The following ADGRV1 variants were observed in gnomAD, a reference collection of about 807,000 sequenced individuals.
ADGRV1 encodes the protein adhesion G protein-coupled receptor V1.
In ADGRV1, 359 loss-of-function variants were observed where a neutral mutation model predicts 596.2. The ratio of observed to expected loss-of-function variants is 0.60; its 90% CI spans 0.55 to 0.66. ADGRV1 has a LOEUF of 0.66. Ranked by LOEUF, ADGRV1 falls within the 30% of genes least tolerant of loss-of-function variation. ADGRV1 has a pLI of 0.00. For synonymous variants in ADGRV1, 2,681 were observed against 2,679.2 expected, an observed-to-expected ratio of 1.00 and a Z score of -0.02; for missense variants, 7,274 against 7,575.6, an observed-to-expected ratio of 0.96 and a Z score of 1.48.
chr5:90,733,052 C>T (rs950949643), intron 50 of ADGRV1, among the ~76,000 whole-genome samples: 2 of 152,180 alleles, frequency 1.3e-5, no homozygotes, highest in African/African-American at 2.4e-5. Context: ...AAGTAACTTG[C>T]AACTGCCTGG....
chr5:90,841,427 C>G (rs2443085), intron 78 of ADGRV1, among the ~76,000 whole-genome samples: 62,840 of 151,962 alleles, frequency 0.41, 15,270 homozygotes, highest in Admixed American at 0.6. Context: ...TCTGCTTGTT[C>G]TTTAGTCCTC....
At chr5:90,743,751 A>C (rs759502648) in intron 50 of ADGRV1, among the ~76,000 whole-genome samples, 5 of 151,602 alleles carry the variant, frequency 3.3e-5, no homozygotes, top group Non-Finnish European at 7.4e-5. Flanking sequence ...GATTACAGGC[A>C]TGAGCCACCG....
chr5:90,947,387 TTGTC>T (rs1776669654), intron 83 of ADGRV1, among the ~76,000 whole-genome samples: 1 of 152,158 alleles, frequency 6.6e-6, no homozygotes, highest in Non-Finnish European at 1.5e-5. Flanking sequence ...TATTACGTCT[TTGTC>T]AGACAGATAG....
chr5:90,768,048 G>A (rs1757329718), intron 59 of ADGRV1, among the ~76,000 whole-genome samples: 2 of 152,184 alleles, frequency 1.3e-5, no homozygotes, highest in African/African-American at 4.8e-5. Flanking sequence ...TCAGTAATAA[G>A]AAGCAATAAT....
intron 85 of ADGRV1, among the ~76,000 whole-genome samples, chr5:91,014,360 G>T (rs866237903): frequency 3.9e-5 from 6 of 151,954 alleles, no homozygotes; most frequent in Non-Finnish European, 7.4e-5. Flanking sequence ...TCTCTGCCAG[G>T]TTTTGGTATC....
chr5:90,669,199 A>G (rs1166312081), intron 21 of ADGRV1, among the ~76,000 whole-genome samples: 4 of 152,194 alleles, frequency 2.6e-5, no homozygotes, highest in Non-Finnish European at 4.4e-5. Flanking sequence ...TTGCTCATGT[A>G]CCATTCGGCT....
At chr5:90,833,907 ATTAAAATAATTGCCAT>A (rs1411261114) in intron 77 of ADGRV1, among the ~76,000 whole-genome samples, 22 of 152,120 alleles carry the variant, frequency 1.4e-4, no homozygotes, top group African/African-American at 5.1e-4. Flanking sequence ...TCTGATTGTC[ATTAAAATAATTGCCAT>A]TTAAAATAAT....
intron 27 of ADGRV1, among the ~76,000 whole-genome samples, chr5:90,682,615 T>C (rs1453221767): frequency 2.0e-5 from 3 of 152,174 alleles, no homozygotes; most frequent in African/African-American, 7.2e-5. Flanking sequence ...TTCTGTACTA[T>C]TATGGCAGAT....
At chr5:91,099,547 G>A (rs1740273779) in intron 86 of ADGRV1, among the ~76,000 whole-genome samples, 1 of 152,148 alleles carries the variant, frequency 6.6e-6, no homozygotes. Context: ...GCGAGGGAAT[G>A]GGTAACAGCA....
intron 87 of ADGRV1, among the ~76,000 whole-genome samples, chr5:91,144,104 G>A (rs1326246277): frequency 6.6e-6 from 1 of 152,128 alleles, no homozygotes; most frequent in Non-Finnish European, 1.5e-5. Flanking sequence ...GCCCTTGAGA[G>A]TGCAGAGATG....
At chr5:91,141,747 A>C (rs1795117606) in intron 87 of ADGRV1, among the ~76,000 whole-genome samples, 1 of 152,204 alleles carries the variant, frequency 6.6e-6, no homozygotes, top group Admixed American at 6.5e-5. Context: ...GATGCAAAAC[A>C]GCAGTAGGTC....
chr5:90,685,582 TAG>T (rs1745499808), intron 28 of ADGRV1, among the ~76,000 whole-genome samples, 196 bp from the exon 29 acceptor site: 1 of 149,278 alleles, frequency 6.7e-6, no homozygotes, highest in Non-Finnish European at 1.5e-5. Flanking sequence ...GCCTGCGTGG[TAG>T]AGAGTCCATC....
chr5:90,662,866 G>A (rs1770607756), intron 21 of ADGRV1, among the ~76,000 whole-genome samples: 1 of 151,780 alleles, frequency 6.6e-6, no homozygotes, highest in South Asian at 2.1e-4. Context: ...GTGGTGTTTG[G>A]TTTTTTGTTC....
intron 9 of ADGRV1, chr5:90,630,078 G>A (rs4574581): frequency 0.76 from 115,192 of 152,052 alleles, 44,504 homozygotes; most frequent in African/African-American, 0.91. Flanking sequence ...GTTCACTGCA[G>A]CCTCCACGTC....
chr5:90,614,972 A>G lies in ADGRV1; in HGVS notation c.160A>G (p.Ile54Val). ...AACAAGTACAACAGTTATTCGTCTT[A>G]TCATTGAAAGGATAGGAGAGCCAGC... Reference protein sequence around the residue: ...NETSTTVIRLIIERIGEPANV... With the variant: ...NETSTTVIRLVIERIGEPANV... Residue 54 changes from isoleucine to valine, a missense_variant, in exon 2 of 90, where the codon ATC (isoleucine) becomes GTC (valine). By Grantham distance (29) the Ile-to-Val change is conservative. This residue lies in a region of ADGRV1 where 1,715 missense variants were observed against 1,708.8 expected (regional missense o/e 1.00). Coordinates refer to ENST00000405460, the MANE Select transcript of ADGRV1 (RefSeq NM_032119.4). The G allele has an allele frequency of 6.4e-7, 1 of 1,558,116 alleles. No homozygotes were observed.
At chr5:90,763,203 T>G in intron 58 of ADGRV1, 102 bp from the exon 59 acceptor site, 1 of 1,043,866 alleles carries the variant, frequency 9.6e-7, no homozygotes, top group Non-Finnish European at 1.3e-6. Flanking sequence ...CATTCTAAAT[T>G]ATAAAACTGC....
intron 1 of ADGRV1, among the ~76,000 whole-genome samples, chr5:90,585,668 GC>G (rs1374927492): frequency 1.3e-5 from 2 of 152,190 alleles, no homozygotes. Context: ...ATTGTCAGAA[GC>G]CATATTGTCA....
At chr5:91,025,399 T>C (rs1783944808) in intron 85 of ADGRV1, among the ~76,000 whole-genome samples, 1 of 152,098 alleles carries the variant, frequency 6.6e-6, no homozygotes, top group African/African-American at 2.4e-5. Flanking sequence ...TAATACAAAT[T>C]ATCAAAATAG....
At chr5:90,906,241 T>C (rs1431262796) in intron 83 of ADGRV1, among the ~76,000 whole-genome samples, 1 of 152,170 alleles carries the variant, frequency 6.6e-6, no homozygotes, top group Non-Finnish European at 1.5e-5. Flanking sequence ...ATTGGCCTGA[T>C]AGAATGAGTT....
Sources: gnomAD v4.1 joint callset for allele counts (sites outside exome capture counted in the v4.1 genomes callset) on GRCh38, gnomAD v4.1.1 for gene constraint, gnomAD v4.1.1 regional missense constraint, MANE v1.5 for transcripts, NCBI Gene and HGNC (gene_info 2026-07-23, HGNC 2026-07-21) for gene names.